The following MYO16 variants were observed in gnomAD, a reference collection of about 807,000 sequenced individuals.
MYO16 encodes the protein unconventional myosin-XVI.
In MYO16, 94 loss-of-function variants were observed where a neutral mutation model predicts 205.3. The ratio of observed to expected loss-of-function variants is 0.46; its 90% CI spans 0.39 to 0.54. The LOEUF (loss-of-function observed/expected upper bound fraction) is 0.54, where lower values mean the gene tolerates loss of function less well. Ranked by LOEUF, MYO16 falls within the 20% of genes least tolerant of loss-of-function variation. MYO16 has a pLI of 0.00. For missense variants in MYO16, 2,315 were observed against 2,387.5 expected (o/e 0.97, Z 0.63); for synonymous variants, 988 against 954.0 (o/e 1.04, Z -0.66).
chr13:109,059,947 T>C (rs1391385748), intron 27 of MYO16, among the ~76,000 whole-genome samples: 1 of 152,112 alleles, frequency 6.6e-6, no homozygotes, highest in Non-Finnish European at 1.5e-5. Flanking sequence ...TGAGATACCA[T>C]GTCAGTTAGA....
chr13:108,709,729 T>G (rs774473240), intron 2 of MYO16, among the ~76,000 whole-genome samples: 1 of 135,616 alleles, frequency 7.4e-6, no homozygotes, highest in Non-Finnish European at 1.6e-5. Flanking sequence ...TTTTTAACCC[T>G]TAGCAGAGCC....
chr13:108,857,743 C>T (rs776718216), intron 11 of MYO16, among the ~76,000 whole-genome samples: 6 of 152,202 alleles, frequency 3.9e-5, no homozygotes, highest in Non-Finnish European at 5.9e-5. Flanking sequence ...AGTTTTTCTG[C>T]TGTTTCCCTC....
chr13:108,897,462 GC>G (rs1156848229), intron 14 of MYO16, among the ~76,000 whole-genome samples: 1 of 152,184 alleles, frequency 6.6e-6, no homozygotes, highest in Admixed American at 6.5e-5. Context: ...TTTCACCGCT[GC>G]CCTGTGGAAG....
chr13:108,544,797 G>A, the MYO16 span, among the ~76,000 whole-genome samples: 1 of 151,994 alleles, frequency 6.6e-6, no homozygotes, highest in African/African-American at 2.4e-5. Context: ...CTATCTCCAT[G>A]GGTTCAGTTG....
chr13:109,046,131 C>A (rs1388328104), intron 23 of MYO16, among the ~76,000 whole-genome samples: 24 of 152,184 alleles, frequency 1.6e-4, no homozygotes, highest in Non-Finnish European at 2.4e-4. Context: ...AGAGGCCTCA[C>A]TGGTTTTGTG....
chr13:108,992,208 C>G (rs1033337447), intron 20 of MYO16, among the ~76,000 whole-genome samples, 168 bp from the exon 21 acceptor site: 1 of 152,026 alleles, frequency 6.6e-6, no homozygotes, highest in African/African-American at 2.4e-5. Flanking sequence ...GGGGGGCTAA[C>G]TTTCAGAGTT....
intron 5 of MYO16, 107 bp downstream of exon 5, chr13:108,785,850 C>T (rs1410826641): frequency 1.2e-5 from 8 of 692,056 alleles, no homozygotes; most frequent in South Asian, 5.8e-5. Context: ...ATGTAGTTTC[C>T]GCACGTGGTG....
intron 27 of MYO16, among the ~76,000 whole-genome samples, chr13:109,084,738 C>CT (rs892324020): frequency 1.5e-4 from 23 of 150,298 alleles, no homozygotes; most frequent in Admixed American, 5.3e-4. Context: ...CCCTTCCTTC[C>CT]TTTTTTTTTA....
the MYO16 span, among the ~76,000 whole-genome samples, chr13:108,579,601 C>G: frequency 6.6e-6 from 1 of 151,878 alleles, no homozygotes; most frequent in Non-Finnish European, 1.5e-5. Context: ...CCATCACATC[C>G]GGCTAATTTT....
upstream of MYO16, among the ~76,000 whole-genome samples, chr13:108,628,745 A>G (rs1398314604): frequency 6.6e-6 from 1 of 152,230 alleles, no homozygotes; most frequent in Non-Finnish European, 1.5e-5. Context: ...TAAGGAATAC[A>G]AAATTATGTT....
At chr13:108,765,123 T>C (rs9559406) in intron 4 of MYO16, among the ~76,000 whole-genome samples, 5,021 of 152,230 alleles carry the variant, frequency 0.033, 243 homozygotes, top group East Asian at 0.24. Context: ...CATAGGTAAA[T>C]CATACAAAAA....
chr13:108,956,960 T>C (rs1883373344), intron 16 of MYO16, among the ~76,000 whole-genome samples: 1 of 152,188 alleles, frequency 6.6e-6, no homozygotes, highest in African/African-American at 2.4e-5. Flanking sequence ...AGTAAATCAA[T>C]GGCATAATCA....
chr13:108,830,334 A>G (rs868577421), intron 9 of MYO16, among the ~76,000 whole-genome samples: 1 of 139,110 alleles, frequency 7.2e-6, no homozygotes, highest in African/African-American at 2.6e-5. Context: ...GGCACTATTC[A>G]CAATAGCAAA....
At chr13:108,845,443 C>G (rs1237866281) in intron 10 of MYO16, among the ~76,000 whole-genome samples, 1 of 152,042 alleles carries the variant, frequency 6.6e-6, no homozygotes, top group Admixed American at 6.6e-5. Flanking sequence ...AGGGTGCCTT[C>G]CCACTGCTGT....
At position 108,777,082 on chromosome 13, in the gene MYO16, T is replaced by C. The variant is rs190770696; in HGVS notation, c.508-8553T>C. ...TCCTGCATGCCACCTTTCCAAGTGG[T>C]GCTTATAATTAGTATAGCCTGCTTT... On this transcript the variant is annotated intron_variant, in intron 4 of 34. Transcript: ENST00000457511. Among the ~76,000 whole-genome samples, 448 of 152,216 alleles carry C rather than the reference T, an allele frequency of 2.9e-3. 4 individuals are homozygous for C. Among genetic ancestry groups the C allele is most frequent in the Non-Finnish European group, 4.7e-3 (323 of 68,012 alleles).
intron 23 of MYO16, among the ~76,000 whole-genome samples, chr13:109,041,399 TAAA>T (rs754776969): frequency 1.7e-4 from 26 of 152,166 alleles, no homozygotes; most frequent in Admixed American, 3.3e-4. Context: ...CATTGAAAGG[TAAA>T]GAAGATAGAA....
At chr13:109,156,721 CA>C (rs2139851490) in intron 32 of MYO16, among the ~76,000 whole-genome samples, 1 of 152,270 alleles carries the variant, frequency 6.6e-6, no homozygotes, top group South Asian at 2.1e-4. Context: ...CTGCGTGCCA[CA>C]CAGTCCTGCC....
rs1204424903 is a variant in MYO16, at chr13:109,184,641, G to A, written c.5415+5008G>A. Reference sequence around the variant, plus strand: ...TTTGAGATAGTCTCCCTCTGTCCCAGGCTGGAGTTCAGTGGCGCAATCTCG... The same window carrying A: ...TTTGAGATAGTCTCCCTCTGTCCCAAGCTGGAGTTCAGTGGCGCAATCTCG... On this transcript the variant is annotated intron_variant, in intron 34 of 34. Coordinates refer to ENST00000457511, the MANE Select transcript of MYO16 (RefSeq NM_001198950.3). 3.3e-5 allele frequency among the ~76,000 whole-genome samples: 5 copies of A among 152,138 alleles called. No individual in the cohort carries two copies. In the East Asian group the frequency reaches 9.6e-4, roughly 29 times the overall value.
intron 6 of MYO16, among the ~76,000 whole-genome samples, chr13:108,800,054 G>C (rs1287602076): frequency 6.6e-6 from 1 of 152,088 alleles, no homozygotes; most frequent in Non-Finnish European, 1.5e-5. Flanking sequence ...CCTGTACCAG[G>C]TCTGGGTGAT....
Sources: allele counts gnomAD v4.1 joint callset (sites outside exome capture counted in the v4.1 genomes callset), GRCh38; gene constraint gnomAD v4.1.1; transcripts MANE v1.5; gene names NCBI Gene and HGNC (gene_info 2026-07-23, HGNC 2026-07-21).